Variants in WDR17 observed in about 807,000 individuals in gnomAD.
WDR17 encodes the protein WD repeat domain 17, also known as WD repeat-containing protein 17.
A neutral mutation model predicts 161.7 loss-of-function variants in WDR17; 143 were observed. The ratio of observed to expected loss-of-function variants is 0.88; its 90% CI spans 0.77 to 1.02. The LOEUF is 1.02. Among genes scored for constraint, WDR17 ranks in the 50% least tolerant of loss-of-function variants. WDR17 has a pLI of 0.00. For synonymous variants in WDR17, 517 were observed against 515.6 expected, an observed-to-expected ratio of 1.00 and a Z score of -0.04; for missense variants, 1,469 against 1,520.9, an observed-to-expected ratio of 0.97 and a Z score of 0.57.
At chr4:176,122,095 G>C (rs1447429830) in intron 4 of WDR17, among the ~76,000 whole-genome samples, 1 of 152,132 alleles carries the variant, frequency 6.6e-6, no homozygotes, top group Non-Finnish European at 1.5e-5. Flanking sequence ...AAGGTGTCAA[G>C]AGGGCCATGC....
chr4:176,156,625 C>T (rs1748165764), intron 18 of WDR17, among the ~76,000 whole-genome samples: 1 of 150,486 alleles, frequency 6.6e-6, no homozygotes, highest in African/African-American at 2.5e-5. Context: ...TTTCAGAATG[C>T]AATAACCCGA....
chr4:176,176,283 AAG>A lies in WDR17; in HGVS notation c.3450-771_3450-770del, dbSNP rs1751448365. ...AGTTTAGGGAATGTGTTAGCTTAGA[AAG>A]AGAAATTGATAATTTCCTAATATTA... On this transcript the variant is annotated intron_variant, in intron 26 of 28. Transcript: ENST00000508596. 2.0e-5 allele frequency among the ~76,000 whole-genome samples: 3 copies of A among 152,330 alleles called. No individual in the cohort carries two copies. In the South Asian group the frequency reaches 6.2e-4, roughly 32 times the overall value.
At chr4:176,076,255 A>C (rs1484197285) in intron 1 of WDR17, among the ~76,000 whole-genome samples, 2 of 79,066 alleles carry the variant, frequency 2.5e-5, no homozygotes, top group Non-Finnish European at 6.0e-5. Context: ...ATATATATAT[A>C]CACACACACA....
At chr4:176,160,354 C>T (rs1748846212) in intron 19 of WDR17, among the ~76,000 whole-genome samples, 1 of 152,130 alleles carries the variant, frequency 6.6e-6, no homozygotes, top group Admixed American at 6.5e-5. Flanking sequence ...TGGAGTCTTG[C>T]TCTGTCACCC....
At chr4:176,131,488 G>A in intron 6 of WDR17, 66 bp from the exon 7 acceptor site, 2 of 1,405,428 alleles carry the variant, frequency 1.4e-6, no homozygotes, top group South Asian at 1.5e-5. Context: ...TTTTTTTAAT[G>A]AAGAATCTTT....
At chr4:176,151,764 A>G in intron 16 of WDR17, 48 bp from the exon 17 acceptor site, 2 of 1,507,000 alleles carry the variant, frequency 1.3e-6, no homozygotes, top group Non-Finnish European at 1.8e-6. Context: ...CACATACAAA[A>G]CAAAATATGT....
intron 7 of WDR17, among the ~76,000 whole-genome samples, 163 bp from the exon 8 acceptor site, chr4:176,134,945 A>G (rs982052790): frequency 2.0e-5 from 3 of 151,702 alleles, no homozygotes; most frequent in Non-Finnish European, 4.4e-5. Context: ...AGAACATTCA[A>G]TCACTGTAGT....
chr4:176,162,278 G>T (rs1197174072), intron 21 of WDR17, 104 bp downstream of exon 21: 1 of 968,400 alleles, frequency 1.0e-6, no homozygotes, highest in South Asian at 1.6e-5. Context: ...ATCTGGTTTT[G>T]CATGTCTTCG....
intron 22 of WDR17, 96 bp downstream of exon 22, chr4:176,163,389 TA>T: frequency 1.5e-6 from 2 of 1,318,652 alleles, no homozygotes; most frequent in Non-Finnish European, 2.1e-6. Context: ...ATTGGGAGAA[TA>T]TAGGATCACC....
In WDR17 at chr4:176,180,494, A is replaced by C. The variant is rs1752052992; in HGVS notation, c.*915A>C. 1 of 152,220 alleles carries C rather than the reference A, an allele frequency of 6.6e-6. No homozygotes were observed. The highest frequency in any genetic ancestry group is 2.4e-5 in the African/African-American group (1 of 41,452). 9.4% of individuals were successfully genotyped at this position (152,220 alleles called of 1,614,324 possible). On this transcript the variant is annotated 3_prime_UTR_variant, in exon 29 of 29. Transcript: ENST00000508596. Reference sequence around the variant, plus strand: ...CAGGCCAAGGCAGGTGGATCACCTGAGGTCAGGAGTTCATGACCAGCCTGG... The same window carrying C: ...CAGGCCAAGGCAGGTGGATCACCTGCGGTCAGGAGTTCATGACCAGCCTGG...
intron 8 of WDR17, 57 bp from the exon 9 acceptor site, chr4:176,137,463 A>G: frequency 7.0e-7 from 1 of 1,419,138 alleles, no homozygotes; most frequent in Non-Finnish European, 9.8e-7. Flanking sequence ...ACATTTTTTA[A>G]AAGAATTACA....
In WDR17 at chr4:176,124,267, A is replaced by T. The variant is rs560177785; in HGVS notation, c.539-837A>T. On this transcript the variant is annotated intron_variant, in intron 4 of 28. Transcript: ENST00000508596. ...GAGAATGAGAGGACTTGCCCAGTGG[A>T]GTTCCCATGTGGTATCTCAGCAGAA... 1.5e-4 allele frequency among the ~76,000 whole-genome samples: 23 copies of T among 152,322 alleles called. 1 individual carries two copies. The East Asian group carries it at 4.4e-3, about 29-fold the overall frequency.
At chr4:176,092,899 G>T (rs1237889677) in intron 1 of WDR17, among the ~76,000 whole-genome samples, 2 of 152,010 alleles carry the variant, frequency 1.3e-5, no homozygotes, top group African/African-American at 4.8e-5. Context: ...AAAATTAGCC[G>T]GGTGTGGTGG....
At chr4:176,148,078 A>G in intron 12 of WDR17, 55 bp from the exon 13 acceptor site, 1 of 1,482,148 alleles carries the variant, frequency 6.7e-7, no homozygotes, top group Non-Finnish European at 9.3e-7. Context: ...ATATGTTAAT[A>G]CTCTAGATAC....
chr4:176,147,998 A>T (rs1746462585), intron 12 of WDR17, 135 bp from the exon 13 acceptor site: 1 of 549,044 alleles, frequency 1.8e-6, no homozygotes. Flanking sequence ...TAAAATGAAG[A>T]GAACCTTATA....
chr4:176,090,627 G>T (rs1429524527), intron 1 of WDR17, among the ~76,000 whole-genome samples: 1 of 151,996 alleles, frequency 6.6e-6, no homozygotes, highest in Non-Finnish European at 1.5e-5. Context: ...TCACTGAAAG[G>T]ACATCATTAT....
chr4:176,128,213 C>T (rs565292075), intron 5 of WDR17, among the ~76,000 whole-genome samples: 10 of 152,258 alleles, frequency 6.6e-5, no homozygotes, highest in South Asian at 4.1e-4. Context: ...TATATTTAAT[C>T]GTTTGTGTAA....
At chr4:176,134,979 G>T (rs778121545) in intron 7 of WDR17, 129 bp from the exon 8 acceptor site, 3 of 838,268 alleles carry the variant, frequency 3.6e-6, no homozygotes, top group Non-Finnish European at 5.6e-6. Context: ...TGTTTTTCTT[G>T]CCTATATATT....
chr4:176,086,231 G>T (rs1316898566), intron 1 of WDR17, among the ~76,000 whole-genome samples: 1 of 151,894 alleles, frequency 6.6e-6, no homozygotes, highest in East Asian at 1.9e-4. Flanking sequence ...ATTTTTGTAA[G>T]TAGCCCATGT....
Sources: gnomAD v4.1 joint callset for allele counts (sites outside exome capture counted in the v4.1 genomes callset) on GRCh38, gnomAD v4.1.1 for gene constraint, MANE v1.5 for transcripts, NCBI Gene and HGNC (gene_info 2026-07-23, HGNC 2026-07-21) for gene names.